Variants in RANBP17 observed in about 807,000 individuals in gnomAD.
RANBP17 encodes the protein RAN binding protein 17, also known as ran-binding protein 17.
RANBP17 carries 158 observed loss-of-function variants against 141.2 expected under a neutral mutation model. The ratio of observed to expected loss-of-function variants is 1.12; its 90% CI spans 0.98 to 1.28. RANBP17 has a LOEUF of 1.28. Ranked by LOEUF, RANBP17 falls within the 50% of genes most tolerant of loss-of-function variation. The probability of loss-of-function intolerance (pLI) is 0.00; values close to 1 mark genes in which losing one functional copy is unlikely to be tolerated. For missense variants in RANBP17, 1,438 were observed against 1,290.7 expected (o/e 1.11, Z -1.75); for synonymous variants, 430 against 450.0 (o/e 0.96, Z 0.56).
In RANBP17 at chr5:171,240,979, T is replaced by A; in HGVS notation, c.2474T>A (p.Met825Lys). 3.7e-6 allele frequency: 6 copies of A among 1,614,004 alleles called. No homozygotes were observed. The highest frequency in any genetic ancestry group is 5.1e-6 in the Non-Finnish European group (6 of 1,179,896). Reference sequence around the variant, plus strand: ...CTCTCAAAAGATCAGATTTATCCAATGAAACTCAAGGGCATCTCCATCTGC... The same window carrying A: ...CTCTCAAAAGATCAGATTTATCCAAAGAAACTCAAGGGCATCTCCATCTGC... ...GSLSKDQIYP[M>K]KLKGISICYS... is the part of the protein sequence containing the mutation. Residue 825 changes from methionine to lysine, a missense_variant, in exon 23 of 28, where the codon ATG becomes AAG. By Grantham distance (95) the Met-to-Lys change is moderately conservative. Transcript: ENST00000523189.
chr5:171,213,823 C>A (rs4867648), intron 21 of RANBP17, 85 bp downstream of exon 21: 877,122 of 1,030,974 alleles, frequency 0.85, 374,559 homozygotes, highest in East Asian at 1. Flanking sequence ...TGGTTTGTGT[C>A]TTTCCAAGGT....
chr5:171,047,800 T>C (rs1271258432), intron 14 of RANBP17, among the ~76,000 whole-genome samples: 1 of 152,202 alleles, frequency 6.6e-6, no homozygotes, highest in Non-Finnish European at 1.5e-5. Context: ...GTTGGATATG[T>C]GATTTGCACA....
rs752005421 is a variant in RANBP17, at chr5:170,918,770, A to G, written c.1012A>G (p.Thr338Ala). 2 of 1,607,614 alleles carry G rather than the reference A, an allele frequency of 1.2e-6. No homozygotes were observed. The highest frequency in any genetic ancestry group is 1.1e-5 in the South Asian group (1 of 90,346). ...TTGTCGATTTTTGGCTCGTTTAAAGACAAATTATCAGCTGGGAGAATTAGT... is the reference window on the plus strand; with the variant it reads ...TTGTCGATTTTTGGCTCGTTTAAAGGCAAATTATCAGCTGGGAGAATTAGT... ...EFCRFLARLK[T>A]NYQLGELVMV... is the part of the protein sequence containing the mutation. The change falls in exon 10 of 28, where the codon ACA becomes GCA. Residue 338 changes from threonine to alanine, a missense_variant. Thr to Ala is a moderately conservative substitution (Grantham distance 58). Transcript: ENST00000523189.
chr5:170,886,294 T>A (rs1769141217), intron 3 of RANBP17, among the ~76,000 whole-genome samples: 1 of 152,166 alleles, frequency 6.6e-6, no homozygotes, highest in Non-Finnish European at 1.5e-5. Context: ...ACCGGCAAGG[T>A]ACTTAGTAAC....
At chr5:171,083,559 G>A (rs1372207559) in intron 14 of RANBP17, among the ~76,000 whole-genome samples, 1 of 152,192 alleles carries the variant, frequency 6.6e-6, no homozygotes, top group East Asian at 1.9e-4. Flanking sequence ...AACTGTGCAT[G>A]TCAACTTCTA....
intron 3 of RANBP17, among the ~76,000 whole-genome samples, chr5:170,884,314 C>T (rs1056590125): frequency 6.6e-6 from 1 of 152,112 alleles, no homozygotes; most frequent in Non-Finnish European, 1.5e-5. Flanking sequence ...TTGACTCCCC[C>T]AAAACTTAAC....
intron 14 of RANBP17, among the ~76,000 whole-genome samples, chr5:171,087,454 G>C (rs1338224807): frequency 1.3e-5 from 2 of 152,210 alleles, no homozygotes; most frequent in Non-Finnish European, 2.9e-5. Context: ...ATTTGGGGTG[G>C]AGAGTAGTGT....
chr5:171,042,780 G>C (rs534697353), intron 14 of RANBP17, among the ~76,000 whole-genome samples: 3 of 152,020 alleles, frequency 2.0e-5, no homozygotes, highest in Admixed American at 6.6e-5. Flanking sequence ...CCCACTCTAG[G>C]GGGGGTCATC....
At chr5:170,894,177 T>C (rs949726340) in intron 4 of RANBP17, among the ~76,000 whole-genome samples, 1 of 152,106 alleles carries the variant, frequency 6.6e-6, no homozygotes, top group Non-Finnish European at 1.5e-5. Flanking sequence ...CACTTCAGAG[T>C]TGCATTTGTA....
At position 170,922,525 on chromosome 5, in the gene RANBP17, C is replaced by T. The variant is rs933894135; in HGVS notation, c.1275-1832C>T. On this transcript the variant is annotated intron_variant, in intron 11 of 27. Coordinates refer to ENST00000523189, the MANE Select transcript of RANBP17 (RefSeq NM_022897.5). ...TGAGCTATTCAAGCCTCAGCAATGGCGGACCCCCCTTCCCCCGTCAAGCTG... is the reference window on the plus strand; with the variant it reads ...TGAGCTATTCAAGCCTCAGCAATGGTGGACCCCCCTTCCCCCGTCAAGCTG... Among the ~76,000 whole-genome samples, 3 of 152,154 alleles carry T rather than the reference C, an allele frequency of 2.0e-5. 1 individual carries two copies.
chr5:171,009,585 CT>C (rs1349056322), intron 14 of RANBP17, among the ~76,000 whole-genome samples: 2 of 152,138 alleles, frequency 1.3e-5, no homozygotes, highest in Admixed American at 6.5e-5. Context: ...TCTCCAAGTT[CT>C]TTTCTTATGA....
At chr5:171,188,986 A>G (rs577040930) in intron 18 of RANBP17, among the ~76,000 whole-genome samples, 1 of 152,360 alleles carries the variant, frequency 6.6e-6, no homozygotes, top group African/African-American at 2.4e-5. Flanking sequence ...GGATTTTATT[A>G]GTTTACCCAG....
At chr5:171,231,191 C>G (rs899560042) in intron 22 of RANBP17, among the ~76,000 whole-genome samples, 10 of 150,804 alleles carry the variant, frequency 6.6e-5, no homozygotes, top group Non-Finnish European at 1.3e-4. Context: ...TCAAGCAATC[C>G]TCCGCACTCA....
At chr5:171,013,887 G>A (rs1780247714) in intron 14 of RANBP17, among the ~76,000 whole-genome samples, 1 of 151,952 alleles carries the variant, frequency 6.6e-6, no homozygotes, top group African/African-American at 2.4e-5. Context: ...GAGGGTTTTT[G>A]TATTCTTCCT....
chr5:170,902,060 G>A (rs1019424926), intron 5 of RANBP17, among the ~76,000 whole-genome samples: 13 of 152,094 alleles, frequency 8.5e-5, no homozygotes, highest in Non-Finnish European at 1.8e-4. Context: ...GAATTTGAAC[G>A]TTAGCCTGTC....
chr5:171,273,235 AC>A (rs1328456923), intron 25 of RANBP17, among the ~76,000 whole-genome samples: 1 of 152,102 alleles, frequency 6.6e-6, no homozygotes, highest in Non-Finnish European at 1.5e-5. Flanking sequence ...GCCATTTTTA[AC>A]CTCTTTCTGG....
intron 14 of RANBP17, among the ~76,000 whole-genome samples, chr5:171,067,541 C>T (rs779652): frequency 0.61 from 92,893 of 151,840 alleles, 29,796 homozygotes; most frequent in South Asian, 0.89. Flanking sequence ...GATCTTCCTT[C>T]AGCATTTCTT....
chr5:170,881,382 A>G (rs1379162668), intron 2 of RANBP17, among the ~76,000 whole-genome samples: 2 of 152,194 alleles, frequency 1.3e-5, no homozygotes, highest in African/African-American at 4.8e-5. Context: ...TTCAAGGAAC[A>G]CGGAGGTCAG....
chr5:171,254,868 AAAAC>A (rs1765790503), intron 24 of RANBP17, among the ~76,000 whole-genome samples: 1 of 152,226 alleles, frequency 6.6e-6, no homozygotes, highest in African/African-American at 2.4e-5. Context: ...TGACTATGGA[AAAAC>A]AAACAACAAA....
Sources: allele counts gnomAD v4.1 joint callset (sites outside exome capture counted in the v4.1 genomes callset), GRCh38; gene constraint gnomAD v4.1.1; transcripts MANE v1.5; gene names NCBI Gene and HGNC (gene_info 2026-07-23, HGNC 2026-07-21).